Variants in COL18A1 observed in about 807,000 individuals in gnomAD.
The protein encoded by COL18A1 is collagen alpha-1(XVIII) chain.
COL18A1 carries 133 observed loss-of-function variants against 168.0 expected under a neutral mutation model. The observed-to-expected ratio is 0.79, with a 90% confidence interval of 0.69 to 0.91. The LOEUF (loss-of-function observed/expected upper bound fraction) is 0.91. Ranked by LOEUF, COL18A1 falls within the 40% of genes least tolerant of loss-of-function variation. The pLI, the probability that COL18A1 is intolerant of heterozygous loss-of-function variation, is 0.00. For missense variants in COL18A1, 2,126 were observed against 1,925.4 expected (o/e 1.10, Z -1.95); for synonymous variants, 949 against 809.0 (o/e 1.17, Z -2.94).
intron 22 of COL18A1, 72 bp downstream of exon 22, chr21:45,491,386 C>CA: frequency 4.6e-6 from 3 of 650,716 alleles, no homozygotes; most frequent in African/African-American, 4.6e-5. Flanking sequence ...CCTCCCCGAG[C>CA]CCCCCCCACA....
intron 2 of COL18A1, among the ~76,000 whole-genome samples, chr21:45,410,885 G>A (rs1482874480): frequency 2.0e-5 from 3 of 152,246 alleles, no homozygotes; most frequent in Admixed American, 6.5e-5. Context: ...TGGAGCATGA[G>A]GGCTCAGGAA....
chr21:45,512,611 C>T lies in COL18A1; in HGVS notation c.*213C>T, dbSNP rs143852653. On this transcript the variant is annotated 3_prime_UTR_variant, in exon 42 of 42. Coordinates refer to ENST00000651438, the MANE Select transcript of COL18A1 (RefSeq NM_001379500.1). Reference sequence around the variant, plus strand: ...AACAGAAGCCTGATGCTGACATTCACCTGCCCCAACTCTCCCCTGACCTGT... The same window carrying T: ...AACAGAAGCCTGATGCTGACATTCATCTGCCCCAACTCTCCCCTGACCTGT... 622 of 606,720 alleles carry T rather than the reference C, an allele frequency of 1.0e-3. 3 individuals are homozygous for T. In the African/African-American group the frequency reaches 0.01, roughly 10 times the overall value. The allele number at this position is 606,720 out of a possible 1,614,324, so 37.6% of individuals were successfully genotyped here. A position where few individuals can be genotyped will look rare whatever the true frequency, so the allele number is the denominator to read the frequency against.
At chr21:45,476,287 C>T (rs967028917) in intron 5 of COL18A1, 64 bp from the exon 6 acceptor site, 1 of 1,609,340 alleles carries the variant, frequency 6.2e-7, no homozygotes, top group Non-Finnish European at 8.5e-7. Flanking sequence ...TTTCACAAAC[C>T]AAGCAAGTCT....
At chr21:45,461,679 A>T (rs1001153400) in intron 2 of COL18A1, among the ~76,000 whole-genome samples, 4 of 151,654 alleles carry the variant, frequency 2.6e-5, no homozygotes, top group Non-Finnish European at 4.4e-5. Context: ...CCACCATTCT[A>T]CTCTGCTCCT....
chr21:45,481,176 T>C (rs2035879455), intron 13 of COL18A1, among the ~76,000 whole-genome samples: 1 of 151,806 alleles, frequency 6.6e-6, no homozygotes, highest in Non-Finnish European at 1.5e-5. Context: ...TGGGTGGGTG[T>C]GGGAGGGCCG....
chr21:45,509,383 C>A lies in COL18A1; in HGVS notation c.3277C>A (p.Pro1093Thr). Residue 1093 changes from proline (P) to threonine (T), a missense_variant, in exon 39 of 42, where the codon CCC becomes ACC. By Grantham distance (38) the Pro-to-Thr change is conservative. Coordinates refer to ENST00000651438, the MANE Select transcript of COL18A1 (RefSeq NM_001379500.1). ...CAATGAAGTGGCCGCCTTGCAGCCC[C>A]CCGTGGTGCAGCTGCACGACAGCAA... ...TDNEVAALQP[P>T]VVQLHDSNPY... 6.5e-7 allele frequency: 1 copy of A among 1,543,070 alleles called. No homozygotes were observed. The highest frequency in any genetic ancestry group is 8.7e-7 in the Non-Finnish European group (1 of 1,144,516).
chr21:45,439,671 T>C (rs1602388428), intron 2 of COL18A1, among the ~76,000 whole-genome samples: 1 of 152,186 alleles, frequency 6.6e-6, no homozygotes, highest in Non-Finnish European at 1.5e-5. Flanking sequence ...GCTGCGGCCG[T>C]GTTCAGAGCG....
intron 18 of COL18A1, 132 bp downstream of exon 18, chr21:45,488,576 T>C: frequency 7.4e-7 from 1 of 1,352,994 alleles, no homozygotes; most frequent in South Asian, 1.2e-5. Flanking sequence ...TCCTGGGAAG[T>C]TTGCAAAATA....
rs1228574567 is a variant in COL18A1 at position 45,477,750 on chromosome 21, G to A, written c.1006G>A (p.Gly336Ser). 6.5e-7 allele frequency: 1 copy of A among 1,537,070 alleles called. No individual in the cohort carries two copies. The highest frequency in any genetic ancestry group is 8.8e-7 in the Non-Finnish European group (1 of 1,141,858). ...VRTPGGRVKE[G>S]GLKGQKGEPG... ...AGCCCTGTGTTCTGTTTATTCCCAG[G>A]GCGGCCTGAAGGGGCAGAAAGGGGA... Residue 336 changes from glycine to serine, a missense_variant and splice_region_variant, in exon 8 of 42, where the codon GGC becomes AGC. Coordinates refer to ENST00000651438, the MANE Select transcript of COL18A1 (RefSeq NM_001379500.1).
At position 45,498,649 on chromosome 21, in the gene COL18A1, G is replaced by A. The variant is rs1240657712; in HGVS notation, c.2683+988G>A. 1 of 697,266 alleles carries A rather than the reference G, an allele frequency of 1.4e-6. No homozygotes were observed. Among genetic ancestry groups the A allele is most frequent in the Non-Finnish European group, 2.7e-6 (1 of 372,290 alleles). 43.2% of individuals were successfully genotyped at this position (697,266 alleles called of 1,614,324 possible). On this transcript the variant is annotated intron_variant, in intron 32 of 41. Transcript: ENST00000651438. The surrounding 1 kb of genome is among the most constrained non-coding windows in gnomAD (Gnocchi z 4.5). ...AAGGCAGGCAGAAAGCAAGCGGGAA[G>A]ATGGAAGATGTGCCCATGCCAGCCT...
At chr21:45,435,261 A>G (rs2034068493) in intron 2 of COL18A1, among the ~76,000 whole-genome samples, 1 of 69,762 alleles carries the variant, frequency 1.4e-5, no homozygotes, top group Non-Finnish European at 2.6e-5. Flanking sequence ...GAGAAGAGGA[A>G]GAAGGGGGTG....
intron 2 of COL18A1, among the ~76,000 whole-genome samples, chr21:45,441,570 C>T (rs2034370899): frequency 2.0e-5 from 3 of 152,186 alleles, no homozygotes; most frequent in Admixed American, 2.0e-4. Context: ...GCCATGGTTC[C>T]CGTCCCGGGC....
intron 40 of COL18A1, 21 bp from the exon 41 acceptor site, chr21:45,511,079 CCACACACACAT>C (rs2037580818): frequency 6.8e-6 from 7 of 1,034,790 alleles, no homozygotes; most frequent in Non-Finnish European, 1.0e-5. Flanking sequence ...CCCCCACACA[CCACACACACAT>C]ACACACGGTT....
chr21:45,440,970 C>T (rs2034354644), intron 2 of COL18A1, among the ~76,000 whole-genome samples: 1 of 152,204 alleles, frequency 6.6e-6, no homozygotes, highest in African/African-American at 2.4e-5. Flanking sequence ...GACGCTCACT[C>T]ATAGGAGGCT....
Position 45,495,509 on chromosome 21 carries a change from C to T in COL18A1, c.2508+77C>T, listed in dbSNP as rs1197304554. The T allele has an allele frequency of 7.0e-6, 9 of 1,286,510 alleles. No homozygotes were observed. In the Admixed American group the frequency reaches 1.6e-4, roughly 22 times the overall value. 79.7% of individuals were successfully genotyped at this position (1,286,510 alleles called of 1,614,324 possible). ...AATGGCCTGGCCACAGCCTGGGGTCCTGCAGCTCCTCCCAGAGGCCACTTA... is the reference window on the plus strand; with the variant it reads ...AATGGCCTGGCCACAGCCTGGGGTCTTGCAGCTCCTCCCAGAGGCCACTTA... On this transcript the variant is annotated intron_variant, in intron 29 of 41. Transcript: ENST00000651438.
In COL18A1 at chr21:45,470,108, G is replaced by A. The variant is rs1014079418; in HGVS notation, c.651+1322G>A. 4.6e-5 allele frequency among the ~76,000 whole-genome samples: 7 copies of A among 152,346 alleles called. No homozygotes were observed. The South Asian group carries it at 6.2e-4, about 14-fold the overall frequency. On this transcript the variant is annotated intron_variant, in intron 3 of 41. Coordinates refer to ENST00000651438, the MANE Select transcript of COL18A1 (RefSeq NM_001379500.1). ...GTACGTGGGTGCACAGCTGTGCCCC[G>A]ATGGTGCTAGGGAGAGCCGGGCCAC...
intron 2 of COL18A1, among the ~76,000 whole-genome samples, chr21:45,433,986 C>G (rs1472022148): frequency 7.6e-6 from 1 of 132,146 alleles, no homozygotes. Flanking sequence ...AACACCCACC[C>G]TTTGGGGGCT....
intron 2 of COL18A1, among the ~76,000 whole-genome samples, chr21:45,466,839 A>G (rs1343303120): frequency 1.3e-5 from 2 of 152,332 alleles, no homozygotes; most frequent in South Asian, 4.1e-4. Context: ...TCCAAGGTGA[A>G]CGCGGGGGCA....
chr21:45,495,685 CACAT>C (rs1568927946), intron 29 of COL18A1: 3 of 492,500 alleles, frequency 6.1e-6, no homozygotes, highest in South Asian at 2.0e-5. Context: ...TGCATCTATG[CACAT>C]ACATGCCCAT....
Sources: allele counts gnomAD v4.1 joint callset (sites outside exome capture counted in the v4.1 genomes callset), GRCh38; gene constraint gnomAD v4.1.1; non-coding constraint Gnocchi (gnomAD v3.1); transcripts MANE v1.5; gene names NCBI Gene and HGNC (gene_info 2026-07-23, HGNC 2026-07-21).